PINX1: variants seen among roughly 807,000 people sequenced by gnomAD.
PINX1 encodes PIN2/TERF1-interacting telomerase inhibitor 1.
In PINX1, 34 loss-of-function variants were observed where a neutral mutation model predicts 25.4. That is an observed-to-expected ratio of 1.34 (90% CI 1.02 to 1.78). The LOEUF is 1.78. Among genes scored for constraint, PINX1 ranks in the 40% most tolerant of loss-of-function variants. The probability of loss-of-function intolerance (pLI) is 0.00; values close to 1 mark genes in which losing one functional copy is unlikely to be tolerated. For missense variants in PINX1, 592 were observed against 404.9 expected (o/e 1.46, Z -3.97); for synonymous variants, 197 against 147.7 (o/e 1.33, Z -2.42).
At chr8:10,822,027 A>T (rs999364938) in intron 5 of PINX1, 2 of 152,252 alleles carry the variant, frequency 1.3e-5, no homozygotes, top group African/African-American at 4.8e-5. Flanking sequence ...TAAAGTTTTG[A>T]TGATGGATTC....
At chr8:10,839,352 C>T (rs1461009731) in intron 1 of PINX1, among the ~76,000 whole-genome samples, 1 of 152,224 alleles carries the variant, frequency 6.6e-6, no homozygotes, top group Admixed American at 6.5e-5. Context: ...TTCAAGTGAT[C>T]CTTCTGCTCA....
In PINX1 at chr8:10,765,487, T is replaced by G. The variant is rs750393659; in HGVS notation, c.901A>C (p.Lys301Gln). 1 of 1,613,620 alleles carries G rather than the reference T, an allele frequency of 6.2e-7. No individual in the cohort carries two copies. Among genetic ancestry groups the G allele is most frequent in the South Asian group, 1.1e-5 (1 of 91,088 alleles). Reference protein sequence around the residue: ...LKPKKRRGKKKLQKPVEIAED... With the variant: ...LKPKKRRGKKQLQKPVEIAED... ...GCTATCTCTACTGGTTTTTGCAGCT[T>G]TTTCTTCCCTCTCCTCTTTTTGGGC... The change falls in exon 7 of 7, where the codon AAG becomes CAG. Residue 301 changes from lysine (K) to glutamine (Q), a missense_variant. Coordinates refer to ENST00000314787, the MANE Select transcript of PINX1 (RefSeq NM_017884.6).
intron 6 of PINX1, among the ~76,000 whole-genome samples, chr8:10,767,293 G>A (rs751048110): frequency 2.0e-5 from 3 of 152,064 alleles, no homozygotes; most frequent in Non-Finnish European, 4.4e-5. Context: ...CACCTCAGTG[G>A]AATCCAAGAT....
chr8:10,802,510 T>C (rs1802300024), intron 6 of PINX1, among the ~76,000 whole-genome samples: 2 of 152,230 alleles, frequency 1.3e-5, no homozygotes, highest in East Asian at 1.9e-4. Flanking sequence ...TTGGGCTTGC[T>C]CCCATTCTGA....
chr8:10,820,489 C>G (rs1180042820), intron 5 of PINX1, among the ~76,000 whole-genome samples: 1 of 152,210 alleles, frequency 6.6e-6, no homozygotes, highest in African/African-American at 2.4e-5. Flanking sequence ...AACCAGAACT[C>G]TTGACATTCT....
intron 6 of PINX1, among the ~76,000 whole-genome samples, chr8:10,788,854 G>T (rs888966335): frequency 6.6e-6 from 1 of 152,178 alleles, no homozygotes; most frequent in East Asian, 1.9e-4. Context: ...TGGATTGGCC[G>T]CCAGAGACCG....
At chr8:10,792,047 G>C (rs1012169850) in intron 6 of PINX1, among the ~76,000 whole-genome samples, 1 of 152,206 alleles carries the variant, frequency 6.6e-6, no homozygotes, top group African/African-American at 2.4e-5. Context: ...GGACCAGCAA[G>C]GGTAGCGCTG....
At chr8:10,797,506 A>G (rs1186302438) in intron 6 of PINX1, among the ~76,000 whole-genome samples, 1 of 152,212 alleles carries the variant, frequency 6.6e-6, no homozygotes, top group African/African-American at 2.4e-5. Context: ...AAAAAACAGA[A>G]ACAACTTTCT....
chr8:10,785,159 T>C (rs1169132831), intron 6 of PINX1, among the ~76,000 whole-genome samples: 1 of 152,258 alleles, frequency 6.6e-6, no homozygotes, highest in Non-Finnish European at 1.5e-5. Context: ...TGTTACAAAG[T>C]AGTTCCAATG....
At chr8:10,765,998 C>A in intron 6 of PINX1, 82 bp from the exon 7 acceptor site, 1 of 1,386,702 alleles carries the variant, frequency 7.2e-7, no homozygotes, top group Non-Finnish European at 9.9e-7. Flanking sequence ...CCACACCCGG[C>A]GCTCACACCT....
intron 6 of PINX1, among the ~76,000 whole-genome samples, chr8:10,792,807 T>C (rs892761976): frequency 1.3e-5 from 2 of 152,208 alleles, no homozygotes; most frequent in Non-Finnish European, 2.9e-5. Flanking sequence ...CCTCATGGCA[T>C]AGCTGTCACC....
At chr8:10,828,489 C>T (rs1164591033) in intron 4 of PINX1, among the ~76,000 whole-genome samples, 1 of 152,108 alleles carries the variant, frequency 6.6e-6, no homozygotes, top group African/African-American at 2.4e-5. Flanking sequence ...AAGGCACACC[C>T]AGGAAGCCCC....
Position 10,765,347 on chromosome 8 carries a change from G to A in PINX1, c.*54C>T, listed in dbSNP as rs1164581676. 14 of 1,478,196 alleles carry A rather than the reference G, an allele frequency of 9.5e-6. No individual in the cohort carries two copies. Among genetic ancestry groups the A allele is most frequent in the Non-Finnish European group, 1.3e-5 (14 of 1,110,120 alleles). 91.6% of individuals were successfully genotyped at this position (1,478,196 alleles called of 1,614,324 possible). Reference sequence around the variant, plus strand: ...CTGTGACTTCAGGCCAGAGGTGTCTGCCCCCGCAGTGCCCTGACAGCTGAG... The same window carrying A: ...CTGTGACTTCAGGCCAGAGGTGTCTACCCCCGCAGTGCCCTGACAGCTGAG... On this transcript the variant is annotated 3_prime_UTR_variant, in exon 7 of 7. Coordinates refer to ENST00000314787, the MANE Select transcript of PINX1 (RefSeq NM_017884.6).
chr8:10,830,484 C>T (rs951575583), intron 4 of PINX1, among the ~76,000 whole-genome samples: 1 of 152,212 alleles, frequency 6.6e-6, no homozygotes, highest in Non-Finnish European at 1.5e-5. Flanking sequence ...GCACACAGCT[C>T]AATAAATGTT....
chr8:10,805,839 G>C (rs1468397730), intron 6 of PINX1, among the ~76,000 whole-genome samples: 1 of 110,524 alleles, frequency 9.0e-6, no homozygotes, highest in Non-Finnish European at 2.0e-5. Flanking sequence ...CACAGGAAGG[G>C]GCCACACTAG....
At chr8:10,798,780 T>C (rs539140498) in intron 6 of PINX1, among the ~76,000 whole-genome samples, 1 of 152,304 alleles carries the variant, frequency 6.6e-6, no homozygotes, top group African/African-American at 2.4e-5. Context: ...CATACCATAT[T>C]ACCTGGGAGC....
At chr8:10,807,317 T>TCCCCCCCCCCCC (rs1184898113) in intron 6 of PINX1, among the ~76,000 whole-genome samples, 2 of 39,742 alleles carry the variant, frequency 5.0e-5, no homozygotes, top group African/African-American at 1.5e-4. Flanking sequence ...ATCAAGAAAA[T>TCCCCCCCCCCCC]CCCCCCCCCA....
At chr8:10,820,737 C>A (rs1390899600) in intron 5 of PINX1, among the ~76,000 whole-genome samples, 2 of 152,046 alleles carry the variant, frequency 1.3e-5, no homozygotes, top group Non-Finnish European at 2.9e-5. Flanking sequence ...TGAATGAGAA[C>A]GTATCATATT....
chr8:10,797,183 G>T (rs1802111129), intron 6 of PINX1, among the ~76,000 whole-genome samples: 2 of 152,184 alleles, frequency 1.3e-5, no homozygotes, highest in South Asian at 4.1e-4. Context: ...ACTAGTCTGA[G>T]TCTTCAGCCA....
Sources: gnomAD v4.1 joint callset for allele counts (sites outside exome capture counted in the v4.1 genomes callset) on GRCh38, gnomAD v4.1.1 for gene constraint, MANE v1.5 for transcripts, NCBI Gene and HGNC (gene_info 2026-07-23, HGNC 2026-07-21) for gene names.